The following MYO16 variants were observed in gnomAD, a reference collection of about 807,000 sequenced individuals.
MYO16 encodes the protein myosin XVI.
MYO16 carries 94 observed loss-of-function variants against 205.3 expected under a neutral mutation model. The ratio of observed to expected loss-of-function variants is 0.46; its 90% CI spans 0.39 to 0.54. MYO16 has a LOEUF of 0.54. Ranked by LOEUF, MYO16 falls within the 20% of genes least tolerant of loss-of-function variation. MYO16 has a pLI of 0.00. For missense variants in MYO16, 2,315 were observed against 2,387.5 expected, an observed-to-expected ratio of 0.97 and a Z score of 0.63; for synonymous variants, 988 against 954.0, an observed-to-expected ratio of 1.04 and a Z score of -0.66.
the MYO16 span, among the ~76,000 whole-genome samples, chr13:108,553,901 G>T: frequency 6.6e-6 from 1 of 152,248 alleles, no homozygotes; most frequent in East Asian, 1.9e-4. Flanking sequence ...TGCCCCAAGC[G>T]AGAAGAGAAA....
intron 4 of MYO16, among the ~76,000 whole-genome samples, chr13:108,770,179 CAAT>C (rs2138877288): frequency 6.6e-6 from 1 of 152,134 alleles, no homozygotes; most frequent in East Asian, 1.9e-4. Flanking sequence ...TAAATGCACT[CAAT>C]AAATATTTTC....
chr13:109,117,450 A>G (rs420850), intron 28 of MYO16, among the ~76,000 whole-genome samples: 2 of 138,214 alleles, frequency 1.4e-5, no homozygotes, highest in African/African-American at 2.8e-5. Context: ...ATATATATGT[A>G]TATATATGTA....
chr13:108,744,766 T>C (rs1885008673), intron 4 of MYO16, among the ~76,000 whole-genome samples: 2 of 152,266 alleles, frequency 1.3e-5, no homozygotes, highest in Admixed American at 1.3e-4. Context: ...CCCACGTTCA[T>C]ATATTTTGGC....
chr13:108,854,437 G>A (rs1878063155), intron 10 of MYO16, among the ~76,000 whole-genome samples: 4 of 152,056 alleles, frequency 2.6e-5, no homozygotes, highest in Admixed American at 2.6e-4. Context: ...TATTAAAGAT[G>A]TTTAGTATTT....
chr13:108,800,814 G>A (rs1326102054), intron 6 of MYO16, among the ~76,000 whole-genome samples: 4 of 152,020 alleles, frequency 2.6e-5, no homozygotes, highest in Non-Finnish European at 1.5e-5. Context: ...CAGATCCAGT[G>A]GGAATATATC....
the MYO16 span, among the ~76,000 whole-genome samples, chr13:108,587,552 G>C: frequency 6.6e-6 from 1 of 152,022 alleles, no homozygotes; most frequent in African/African-American, 2.4e-5. Context: ...AACAAATTTT[G>C]ATATTCTATA....
At chr13:108,564,941 G>A in the MYO16 span, among the ~76,000 whole-genome samples, 12 of 152,110 alleles carry the variant, frequency 7.9e-5, no homozygotes, top group African/African-American at 2.4e-4. Context: ...TTGCACCTTT[G>A]TTGAAAATGA....
chr13:109,194,026 C>G (rs1399659278), intron 34 of MYO16, among the ~76,000 whole-genome samples: 3 of 152,188 alleles, frequency 2.0e-5, no homozygotes, highest in Admixed American at 2.0e-4. Context: ...TGTATTCCAA[C>G]AGCAGTAATG....
At chr13:109,032,962 T>C (rs1886590846) in intron 23 of MYO16, among the ~76,000 whole-genome samples, 1 of 152,144 alleles carries the variant, frequency 6.6e-6, no homozygotes, top group Non-Finnish European at 1.5e-5. Flanking sequence ...GAATTACATA[T>C]AATTCTCTAA....
chr13:109,168,609 C>T (rs569012195), intron 33 of MYO16, among the ~76,000 whole-genome samples: 16 of 152,118 alleles, frequency 1.1e-4, no homozygotes, highest in South Asian at 1.0e-3. Flanking sequence ...CCTTTAATCC[C>T]GGCGACTCGG....
At chr13:108,683,231 C>T (rs1882537009) in intron 2 of MYO16, among the ~76,000 whole-genome samples, 1 of 152,050 alleles carries the variant, frequency 6.6e-6, no homozygotes, top group African/African-American at 2.4e-5. Flanking sequence ...ATATAAGTGC[C>T]TTATCCTTCC....
chr13:108,900,178 T>C (rs1476075266), intron 15 of MYO16, among the ~76,000 whole-genome samples: 5 of 152,254 alleles, frequency 3.3e-5, no homozygotes, highest in Non-Finnish European at 5.9e-5. Flanking sequence ...AGGGTCCTTT[T>C]CTTTAGGAAT....
chr13:109,068,589 ATTTT>A (rs35068937), intron 27 of MYO16, among the ~76,000 whole-genome samples: 8 of 132,388 alleles, frequency 6.0e-5, no homozygotes, highest in Admixed American at 7.7e-5. Flanking sequence ...TAAGCCATGA[ATTTT>A]TTTTTTTTTT....
chr13:108,559,470 C>CTTTTTTTTTTTTTTTT, the MYO16 span, among the ~76,000 whole-genome samples: 1 of 87,416 alleles, frequency 1.1e-5, no homozygotes, highest in East Asian at 3.5e-4. Flanking sequence ...TTTTTCTTTT[C>CTTTTTTTTTTTTTTTT]TTTTTTTTTT....
At chr13:109,049,785 C>T (rs1437391150) in intron 24 of MYO16, among the ~76,000 whole-genome samples, 6 of 152,066 alleles carry the variant, frequency 3.9e-5, no homozygotes, top group Admixed American at 3.3e-4. Flanking sequence ...TGGTTTTAAA[C>T]TTAAAGTGAC....
chr13:108,883,597 T>C (rs1879720413), intron 13 of MYO16, among the ~76,000 whole-genome samples: 1 of 152,102 alleles, frequency 6.6e-6, no homozygotes, highest in Non-Finnish European at 1.5e-5. Context: ...TTTCTTGTTA[T>C]TTACCTTTGC....
chr13:108,895,378 T>C (rs1239046720), intron 14 of MYO16, among the ~76,000 whole-genome samples: 2 of 152,196 alleles, frequency 1.3e-5, no homozygotes, highest in African/African-American at 2.4e-5. Flanking sequence ...TAGCTCAGTA[T>C]TTCTCTTAAT....
chr13:109,119,829 G>A (rs927441901), intron 28 of MYO16, among the ~76,000 whole-genome samples: 2 of 152,138 alleles, frequency 1.3e-5, no homozygotes, highest in African/African-American at 4.8e-5. Context: ...TCTTTCTTGA[G>A]ACTTTTAAAC....
intron 27 of MYO16, among the ~76,000 whole-genome samples, chr13:109,096,666 G>A (rs925359748): frequency 6.6e-6 from 1 of 152,248 alleles, no homozygotes; most frequent in East Asian, 1.9e-4. Context: ...CCCATTTCTT[G>A]GCTATCAGTT....
Sources: gnomAD v4.1 joint callset for allele counts (sites outside exome capture counted in the v4.1 genomes callset) on GRCh38, gnomAD v4.1.1 for gene constraint, MANE v1.5 for transcripts, NCBI Gene and HGNC (gene_info 2026-07-23, HGNC 2026-07-21) for gene names.